The following CCPG1 variants were observed in gnomAD, a reference collection of about 807,000 sequenced individuals.
The protein encoded by CCPG1 is cell cycle progression 1, also known as cell cycle progression protein 1.
In CCPG1, 46 loss-of-function variants were observed where a neutral mutation model predicts 81.3. That is an observed-to-expected ratio of 0.57 (90% CI 0.45 to 0.72). The LOEUF (loss-of-function observed/expected upper bound fraction) is 0.72, where lower values mean the gene tolerates loss of function less well. Among genes scored for constraint, CCPG1 ranks in the 30% least tolerant of loss-of-function variants. The pLI, the probability that CCPG1 is intolerant of heterozygous loss-of-function variation, is 0.00. For synonymous variants in CCPG1, 330 were observed against 305.2 expected (o/e 1.08, Z -0.85); for missense variants, 902 against 937.6 (o/e 0.96, Z 0.50).
rs896024904 is a variant in CCPG1, at chr15:55,374,101, A to C, written c.455-2057T>G. On this transcript the variant is annotated intron_variant, in intron 5 of 8. Coordinates refer to ENST00000442196, the MANE Select transcript of CCPG1 (RefSeq NM_001204450.2). ...CTTTAAAGCACTCGGTAAATAGTAA[A>C]TGTGACTAGGCACACTCAGCTCTAG... The C allele has an allele frequency of 3.0e-6, 3 of 1,000,172 alleles. No homozygotes were observed. In the African/African-American group the frequency reaches 5.0e-5, roughly 17 times the overall value. The allele number at this position is 1,000,172 out of a possible 1,614,324, so 62.0% of individuals were successfully genotyped here. A position where few individuals can be genotyped will look rare whatever the true frequency, so the allele number is the denominator to read the frequency against.
intron 1 of CCPG1, among the ~76,000 whole-genome samples, chr15:55,404,341 C>A (rs1002587647): frequency 4.0e-5 from 6 of 151,418 alleles, no homozygotes; most frequent in African/African-American, 1.2e-4. Flanking sequence ...CTGATAGTAG[C>A]CAAAAAAAAG....
intron 5 of CCPG1, among the ~76,000 whole-genome samples, chr15:55,374,524 G>GA (rs1331468056): frequency 2.0e-5 from 3 of 151,562 alleles, no homozygotes; most frequent in Non-Finnish European, 2.9e-5. Flanking sequence ...GTCAGGAGAA[G>GA]AAAAAATTGA....
chr15:55,370,067 T>C (rs1566970370), intron 6 of CCPG1, among the ~76,000 whole-genome samples: 2 of 152,152 alleles, frequency 1.3e-5, no homozygotes, highest in Non-Finnish European at 2.9e-5. Flanking sequence ...CAAATAATAG[T>C]ATCTCAGTAT....
At chr15:55,362,706 A>C (rs2056228550) in intron 7 of CCPG1, among the ~76,000 whole-genome samples, 2 of 152,222 alleles carry the variant, frequency 1.3e-5, no homozygotes, top group Admixed American at 6.5e-5. Flanking sequence ...TTCAAAATCT[A>C]TCTGATCCAC....
intron 1 of CCPG1, among the ~76,000 whole-genome samples, chr15:55,393,070 C>G (rs1388111268): frequency 6.6e-6 from 1 of 152,194 alleles, no homozygotes; most frequent in Non-Finnish European, 1.5e-5. Flanking sequence ...CGCCATTGCA[C>G]TCCAGCCTGG....
At chr15:55,365,771 TAAAA>T (rs2056314359) in intron 6 of CCPG1, among the ~76,000 whole-genome samples, 2 of 151,832 alleles carry the variant, frequency 1.3e-5, no homozygotes, top group African/African-American at 4.8e-5. Flanking sequence ...CACCGTTCTT[TAAAA>T]ATTCTGATTA....
In CCPG1 at chr15:55,360,043, G is replaced by C. The variant is rs750160176; in HGVS notation, c.1730C>G (p.Pro577Arg). 2 of 1,613,390 alleles carry C rather than the reference G, an allele frequency of 1.2e-6. No individual in the cohort carries two copies. Among genetic ancestry groups the C allele is most frequent in the African/African-American group, 2.7e-5 (2 of 74,838 alleles). The change falls in exon 8 of 9, where the codon CCT (proline) becomes CGT (arginine). Residue 577 changes from proline to arginine, a missense_variant. By Grantham distance (103) the Pro-to-Arg change is moderately radical. This residue lies in a region of CCPG1 where 746 missense variants were observed against 728.6 expected (regional missense o/e 1.02). Transcript: ENST00000442196. ...GCCTCTATTATGATGGTTTTCTGTA[G>C]GTGCCTTATACTGTGGATGTAAATA... is the stretch of plus-strand genomic sequence containing the variant. ...SDYLHPQYKA[P>R]TENHHNRGPT...
At chr15:55,388,518 T>G (rs935058013) in intron 2 of CCPG1, among the ~76,000 whole-genome samples, 4 of 152,224 alleles carry the variant, frequency 2.6e-5, no homozygotes, top group African/African-American at 9.7e-5. Flanking sequence ...CTGCATAATC[T>G]TGACCAAATT....
Position 55,355,566 on chromosome 15 carries a change from G to A in CCPG1, c.*654C>T. 1 of 636,346 alleles carries A rather than the reference G, an allele frequency of 1.6e-6. No homozygotes were observed. Among genetic ancestry groups the A allele is most frequent in the South Asian group, 2.4e-5 (1 of 40,948 alleles). The allele number at this position is 636,346 out of a possible 1,614,324, so 39.4% of individuals were successfully genotyped here. On this transcript the variant is annotated 3_prime_UTR_variant, in exon 9 of 9. Transcript: ENST00000442196. ...CTGCTTTACCAAATATCACTACTGA[G>A]GAAATGTATAAAATACCACATAGTA...
intron 1 of CCPG1, among the ~76,000 whole-genome samples, chr15:55,403,686 T>C (rs2057166544): frequency 6.6e-6 from 1 of 152,236 alleles, no homozygotes; most frequent in Non-Finnish European, 1.5e-5. Context: ...CCAAGTGTTT[T>C]AGTCTAGTTA....
At chr15:55,396,840 AGAGCTCTACCTCT>A (rs1300576474) in intron 1 of CCPG1, among the ~76,000 whole-genome samples, 1 of 152,216 alleles carries the variant, frequency 6.6e-6, no homozygotes, top group East Asian at 1.9e-4. Flanking sequence ...AGCTGAGATC[AGAGCTCTACCTCT>A]GAGAAACAGC....
chr15:55,391,447 T>C (rs2056912316), intron 1 of CCPG1, among the ~76,000 whole-genome samples: 1 of 152,212 alleles, frequency 6.6e-6, no homozygotes, highest in Admixed American at 6.5e-5. Flanking sequence ...AATTTCTCAT[T>C]CCACTATTTT....
In CCPG1 at chr15:55,391,687, C is replaced by T. The variant is rs576685415; in HGVS notation, c.-9-2254G>A. On this transcript the variant is annotated intron_variant, in intron 1 of 8. Transcript: ENST00000442196. ...TCAAAATTTAAAAATTGAGATACTA[C>T]ATTAAAATGAAGATTTCTGGAGCCG... is the stretch of plus-strand genomic sequence containing the variant. Among the ~76,000 whole-genome samples, 14 of 152,048 alleles carry T rather than the reference C, an allele frequency of 9.2e-5. No individual in the cohort carries two copies. The East Asian group carries it at 1.7e-3, about 19-fold the overall frequency.
At chr15:55,393,957 A>T (rs1387377956) in intron 1 of CCPG1, among the ~76,000 whole-genome samples, 4 of 152,120 alleles carry the variant, frequency 2.6e-5, no homozygotes, top group Admixed American at 6.6e-5. Flanking sequence ...TGTGGAGTGT[A>T]CTTTCATTTT....
chr15:55,393,115 A>C (rs977916734), intron 1 of CCPG1, among the ~76,000 whole-genome samples: 4 of 151,744 alleles, frequency 2.6e-5, no homozygotes, highest in African/African-American at 7.3e-5. Flanking sequence ...AAAATAAATA[A>C]ATTAATTAAT....
intron 2 of CCPG1, 27 bp downstream of exon 2, chr15:55,389,338 C>T (rs1294126132): frequency 1.4e-6 from 2 of 1,467,106 alleles, no homozygotes; most frequent in Non-Finnish European, 1.9e-6. Context: ...TTACAAATTA[C>T]CTTATAAAAA....
At chr15:55,381,621 T>C (rs2056697670) in intron 3 of CCPG1, among the ~76,000 whole-genome samples, 1 of 152,174 alleles carries the variant, frequency 6.6e-6, no homozygotes, top group Non-Finnish European at 1.5e-5. Context: ...AGCTATAATC[T>C]CTTCTATTTC....
intron 1 of CCPG1, among the ~76,000 whole-genome samples, chr15:55,393,648 G>C (rs767979570): frequency 2.0e-5 from 3 of 152,048 alleles, no homozygotes; most frequent in Non-Finnish European, 2.9e-5. Flanking sequence ...TCATTATTTG[G>C]ATGCAAGGTC....
intron 1 of CCPG1, among the ~76,000 whole-genome samples, chr15:55,391,887 A>AGGGGGGGGGGG (rs61200003): frequency 8.9e-5 from 4 of 44,736 alleles, no homozygotes; most frequent in African/African-American, 7.1e-5. Flanking sequence ...AAAAAAAAAA[A>AGGGGGGGGGGG]GGGGGGGGGG....
Sources: allele counts gnomAD v4.1 joint callset (sites outside exome capture counted in the v4.1 genomes callset), GRCh38; gene constraint gnomAD v4.1.1; regional missense constraint gnomAD v4.1.1; transcripts MANE v1.5; gene names NCBI Gene and HGNC (gene_info 2026-07-23, HGNC 2026-07-21).